EYA4: variants seen among roughly 807,000 people sequenced by gnomAD.
The protein encoded by EYA4 is protein phosphatase EYA4.
In EYA4, 31 loss-of-function variants were observed where a neutral mutation model predicts 87.9. That is an observed-to-expected ratio of 0.35 (90% CI 0.27 to 0.48). The LOEUF is 0.48. EYA4 is among the 20% of genes least tolerant of loss of function. The probability of loss-of-function intolerance (pLI) is 0.99; values close to 1 mark genes in which losing one functional copy is unlikely to be tolerated. For missense variants in EYA4, 678 were observed against 761.4 expected (o/e 0.89, Z 1.29); for synonymous variants, 263 against 270.6 (o/e 0.97, Z 0.28).
At chr6:133,257,865 A>G (rs1582766214) in intron 1 of EYA4, among the ~76,000 whole-genome samples, 1 of 151,546 alleles carries the variant, frequency 6.6e-6, no homozygotes, top group South Asian at 2.1e-4. Context: ...TCATTCATTC[A>G]TGCATGCATT....
intron 2 of EYA4, among the ~76,000 whole-genome samples, chr6:133,322,324 A>G (rs1349235819): frequency 1.3e-5 from 2 of 152,226 alleles, no homozygotes; most frequent in Non-Finnish European, 2.9e-5. Context: ...CTATAAAAGG[A>G]CTATCCTCTT....
Position 133,530,404 on chromosome 6 carries a change from C to A in EYA4, c.*1599C>A. ...GGTTCTCCTCTTATTTCCTATGACA[C>A]GATTTCCCTTGTGGAAATTTAAGAC... On this transcript the variant is annotated 3_prime_UTR_variant, in exon 20 of 20. Transcript: ENST00000355286. The A allele has an allele frequency of 1.1e-5, 11 of 985,264 alleles. No homozygotes were observed. Among genetic ancestry groups the A allele is most frequent in the Non-Finnish European group, 1.3e-5 (11 of 829,790 alleles). 61.0% of individuals were successfully genotyped at this position (985,264 alleles called of 1,614,324 possible). A position where few individuals can be genotyped will look rare whatever the true frequency, so the allele number is the denominator to read the frequency against.
chr6:133,525,138 CTCATT>C lies in EYA4; in HGVS notation c.1739-14_1739-10del. ...CAGGTAACTTCACTCTGAACTTTAT[CTCATT>C]TATCTTCCAGGAAAAGAAAGTTGCT... On this transcript the variant is annotated splice_polypyrimidine_tract_variant and intron_variant, in intron 18 of 19. Transcript: ENST00000355286. 1 of 1,613,582 alleles carries C rather than the reference CTCATT, an allele frequency of 6.2e-7. No individual in the cohort carries two copies. The highest frequency in any genetic ancestry group is 8.5e-7 in the Non-Finnish European group (1 of 1,179,662).
chr6:133,273,855 C>G (rs1377170039), intron 1 of EYA4, among the ~76,000 whole-genome samples: 1 of 151,942 alleles, frequency 6.6e-6, no homozygotes, highest in Non-Finnish European at 1.5e-5. Flanking sequence ...TTGGTATTTG[C>G]ACAGGTATTT....
chr6:133,404,364 T>C (rs145997802), intron 3 of EYA4, among the ~76,000 whole-genome samples: 4 of 152,336 alleles, frequency 2.6e-5, no homozygotes, highest in African/African-American at 9.6e-5. Context: ...ATTCAGCCAG[T>C]GTTTATTGAA....
chr6:133,378,392 T>C (rs932163739), intron 2 of EYA4, among the ~76,000 whole-genome samples: 1 of 152,026 alleles, frequency 6.6e-6, no homozygotes, highest in African/African-American at 2.4e-5. Context: ...TCTAGCAGAG[T>C]GAGTGGAAAA....
chr6:133,295,408 G>C (rs756719525), intron 2 of EYA4, among the ~76,000 whole-genome samples: 2 of 152,128 alleles, frequency 1.3e-5, no homozygotes, highest in Admixed American at 6.5e-5. Flanking sequence ...ATTGAGATTG[G>C]GCTTGAAATA....
chr6:133,313,255 G>C (rs1780370669), intron 2 of EYA4, among the ~76,000 whole-genome samples: 1 of 152,136 alleles, frequency 6.6e-6, no homozygotes, highest in South Asian at 2.1e-4. Context: ...TCCTCCTGTG[G>C]AGTAGGAAAG....
chr6:133,359,082 C>A (rs1784280871), intron 2 of EYA4, among the ~76,000 whole-genome samples: 2 of 152,178 alleles, frequency 1.3e-5, no homozygotes, highest in Non-Finnish European at 2.9e-5. Flanking sequence ...GACTAGAACA[C>A]AGGAAACATG....
chr6:133,517,608 G>T (rs564711224), intron 17 of EYA4, among the ~76,000 whole-genome samples: 1 of 152,122 alleles, frequency 6.6e-6, no homozygotes, highest in Non-Finnish European at 1.5e-5. Flanking sequence ...CTTCTGACTC[G>T]TGGCACAGGC....
chr6:133,304,301 C>G (rs1162926027), intron 2 of EYA4, among the ~76,000 whole-genome samples: 2 of 152,088 alleles, frequency 1.3e-5, no homozygotes, highest in African/African-American at 4.8e-5. Context: ...TAAAATGTGG[C>G]AGGTGCAACT....
At chr6:133,404,368 T>G (rs1376044873) in intron 3 of EYA4, among the ~76,000 whole-genome samples, 1 of 152,248 alleles carries the variant, frequency 6.6e-6, no homozygotes, top group African/African-American at 2.4e-5. Context: ...AGCCAGTGTT[T>G]ATTGAAGAGC....
At chr6:133,462,812 G>C in intron 9 of EYA4, 48 bp downstream of exon 9, 1 of 1,561,340 alleles carries the variant, frequency 6.4e-7, no homozygotes, top group Non-Finnish European at 8.8e-7. Flanking sequence ...AATTCTTTGA[G>C]TGAGACTCAT....
intron 3 of EYA4, among the ~76,000 whole-genome samples, chr6:133,412,332 T>C (rs1373313551): frequency 6.6e-6 from 1 of 152,166 alleles, no homozygotes; most frequent in African/African-American, 2.4e-5. Flanking sequence ...ATATGCAGTT[T>C]TGTGAATTTT....
chr6:133,264,658 C>T (rs1041191907), intron 1 of EYA4, among the ~76,000 whole-genome samples: 11 of 152,176 alleles, frequency 7.2e-5, no homozygotes, highest in African/African-American at 2.4e-4. Flanking sequence ...TGATGACTGG[C>T]TATGCCTGTG....
At chr6:133,291,585 T>C (rs1007815363) in intron 2 of EYA4, among the ~76,000 whole-genome samples, 2 of 152,202 alleles carry the variant, frequency 1.3e-5, no homozygotes, top group African/African-American at 4.8e-5. Context: ...GTAATAAAGC[T>C]AATATTAAAG....
chr6:133,319,988 C>T (rs1256994207), intron 2 of EYA4, among the ~76,000 whole-genome samples: 2 of 152,086 alleles, frequency 1.3e-5, no homozygotes, highest in Admixed American at 6.6e-5. Context: ...GTTAGGATTA[C>T]AGGTGTGAGC....
chr6:133,304,599 A>G (rs185618936), intron 2 of EYA4, among the ~76,000 whole-genome samples: 5 of 152,318 alleles, frequency 3.3e-5, no homozygotes, highest in Admixed American at 3.3e-4. Context: ...GGTTATGTGT[A>G]TCATGGTAAG....
chr6:133,516,943 G>T (rs1198028871), intron 17 of EYA4, among the ~76,000 whole-genome samples: 1 of 152,084 alleles, frequency 6.6e-6, no homozygotes, highest in Non-Finnish European at 1.5e-5. Flanking sequence ...TTGACTCCAT[G>T]TCTTTGCTAT....
Sources: allele counts gnomAD v4.1 joint callset (sites outside exome capture counted in the v4.1 genomes callset), GRCh38; gene constraint gnomAD v4.1.1; transcripts MANE v1.5; gene names NCBI Gene and HGNC (gene_info 2026-07-23, HGNC 2026-07-21).